Variants in GPC5 observed in about 807,000 individuals in gnomAD.
GPC5 encodes glypican-5.
In GPC5, 47 loss-of-function variants were observed where a neutral mutation model predicts 53.9. The observed-to-expected ratio is 0.87, with a 90% CI of 0.69 to 1.11. The LOEUF is 1.11. GPC5 is among the 50% of genes most tolerant of loss of function. GPC5 has a pLI of 0.00. For missense variants in GPC5, 748 were observed against 713.1 expected (o/e 1.05, Z -0.56); for synonymous variants, 286 against 263.3 (o/e 1.09, Z -0.84).
chr13:91,517,736 T>C (rs1046074802), intron 2 of GPC5, among the ~76,000 whole-genome samples: 1 of 152,214 alleles, frequency 6.6e-6, no homozygotes, highest in Non-Finnish European at 1.5e-5. Context: ...AAGAAAAAGT[T>C]TAATTGGACT....
intron 6 of GPC5, among the ~76,000 whole-genome samples, chr13:92,077,761 G>A (rs189633877): frequency 3.0e-4 from 45 of 152,238 alleles, no homozygotes; most frequent in Admixed American, 5.2e-4. Flanking sequence ...GTCCTAAATT[G>A]AGGAGAAACT....
chr13:91,992,169 C>G (rs79144830), intron 6 of GPC5, among the ~76,000 whole-genome samples: 2 of 152,016 alleles, frequency 1.3e-5, no homozygotes, highest in Non-Finnish European at 2.9e-5. Context: ...GTAGCAGGGA[C>G]TATAGGTGCA....
chr13:92,129,590 A>C (rs2041727190), intron 6 of GPC5, among the ~76,000 whole-genome samples: 1 of 152,222 alleles, frequency 6.6e-6, no homozygotes. Flanking sequence ...CATTGCTAAT[A>C]TAATAAAAGT....
intron 6 of GPC5, among the ~76,000 whole-genome samples, chr13:92,140,903 G>A (rs900659447): frequency 6.6e-6 from 1 of 152,102 alleles, no homozygotes; most frequent in Non-Finnish European, 1.5e-5. Flanking sequence ...CTACAGATAA[G>A]GACTTGAGTG....
At chr13:91,549,085 A>G (rs2030470599) in intron 2 of GPC5, among the ~76,000 whole-genome samples, 2 of 152,106 alleles carry the variant, frequency 1.3e-5, no homozygotes, top group Non-Finnish European at 2.9e-5. Context: ...CCTGGCCAAT[A>G]TGGTGAAATG....
intron 7 of GPC5, among the ~76,000 whole-genome samples, chr13:92,813,315 T>C (rs1877359959): frequency 6.6e-6 from 1 of 151,982 alleles, no homozygotes; most frequent in African/African-American, 2.4e-5. Context: ...TTGTAATCTT[T>C]TTTTTAGTTC....
chr13:92,043,507 A>T (rs1309116097), intron 6 of GPC5, among the ~76,000 whole-genome samples: 1 of 152,176 alleles, frequency 6.6e-6, no homozygotes, highest in Non-Finnish European at 1.5e-5. Flanking sequence ...GCCAGTGAGG[A>T]ACTGGGAAAG....
intron 1 of GPC5, among the ~76,000 whole-genome samples, chr13:91,422,881 A>G (rs1277634625): frequency 6.6e-6 from 1 of 152,212 alleles, no homozygotes; most frequent in Non-Finnish European, 1.5e-5. Context: ...TTTATTCATG[A>G]GGTGAGAGCT....
intron 7 of GPC5, among the ~76,000 whole-genome samples, chr13:92,848,642 ACT>A (rs1482524986): frequency 7.2e-5 from 11 of 152,046 alleles, no homozygotes; most frequent in Admixed American, 3.9e-4. Flanking sequence ...TCTGTGTGTG[ACT>A]CTGTGTGTGT....
At chr13:92,306,365 C>T (rs1373624598) in intron 7 of GPC5, among the ~76,000 whole-genome samples, 3 of 151,896 alleles carry the variant, frequency 2.0e-5, no homozygotes, top group South Asian at 4.2e-4. Context: ...GTTTAACAGG[C>T]TAAGAAAGGA....
intron 7 of GPC5, among the ~76,000 whole-genome samples, chr13:92,777,438 GC>G (rs1176181663): frequency 2.0e-5 from 3 of 151,570 alleles, no homozygotes; most frequent in African/African-American, 7.3e-5. Flanking sequence ...ATTGAGACTA[GC>G]CTGGCCATCA....
intron 7 of GPC5, among the ~76,000 whole-genome samples, chr13:92,791,431 G>A (rs1053122573): frequency 6.7e-6 from 1 of 149,964 alleles, no homozygotes; most frequent in African/African-American, 2.5e-5. Flanking sequence ...GTGTGGGGGG[G>A]GGCGGGGGAG....
At chr13:92,275,858 A>G (rs1251517912) in intron 7 of GPC5, among the ~76,000 whole-genome samples, 1 of 152,128 alleles carries the variant, frequency 6.6e-6, no homozygotes, top group Non-Finnish European at 1.5e-5. Flanking sequence ...TCATGACCTG[A>G]TATTAGTGAC....
At chr13:92,383,543 C>T (rs9301800) in intron 7 of GPC5, among the ~76,000 whole-genome samples, 85,897 of 152,020 alleles carry the variant, frequency 0.57, 24,711 homozygotes, top group African/African-American at 0.66. Context: ...GTTTAACACA[C>T]GGGTATATGG....
intron 7 of GPC5, among the ~76,000 whole-genome samples, chr13:92,521,233 A>G (rs952839406): frequency 1.3e-5 from 2 of 152,174 alleles, no homozygotes; most frequent in Non-Finnish European, 2.9e-5. Flanking sequence ...TGCCATCCCC[A>G]TCGAGCTACC....
rs374468486 is a variant in GPC5, at chr13:91,441,097, C to T, written c.164-7664C>T. 1.3e-4 allele frequency among the ~76,000 whole-genome samples: 20 copies of T among 152,296 alleles called. No individual in the cohort carries two copies. The East Asian group carries it at 3.5e-3, about 26-fold the overall frequency. ...AGCCACAGAGATAGAAAACTAATCC[C>T]CTGCTTTTTTTCTTCCTTCAAATAT... On this transcript the variant is annotated intron_variant, in intron 1 of 7. Transcript: ENST00000377067.
chr13:91,477,437 G>A (rs968797868), intron 2 of GPC5, among the ~76,000 whole-genome samples: 8 of 152,170 alleles, frequency 5.3e-5, no homozygotes, highest in Non-Finnish European at 1.2e-4. Flanking sequence ...TGGGAAGGTA[G>A]TTTTGGGGAG....
chr13:92,771,847 C>CTT (rs1240561925), intron 7 of GPC5, among the ~76,000 whole-genome samples: 4 of 152,142 alleles, frequency 2.6e-5, no homozygotes, highest in African/African-American at 9.7e-5. Context: ...GAAGTTCAAT[C>CTT]TTACATATAT....
chr13:91,775,035 A>T (rs761869372), intron 5 of GPC5, among the ~76,000 whole-genome samples: 2 of 152,168 alleles, frequency 1.3e-5, no homozygotes, highest in African/African-American at 4.8e-5. Context: ...AGAGTATCCC[A>T]TACAGAGAAA....
Sources: allele counts gnomAD v4.1 joint callset (sites outside exome capture counted in the v4.1 genomes callset), GRCh38; gene constraint gnomAD v4.1.1; transcripts MANE v1.5; gene names NCBI Gene and HGNC (gene_info 2026-07-23, HGNC 2026-07-21).